The following ASPH variants were observed in gnomAD, a reference collection of about 807,000 sequenced individuals.
ASPH encodes the protein aspartyl/asparaginyl beta-hydroxylase.
A neutral mutation model predicts 118.4 loss-of-function variants in ASPH; 100 were observed. The observed-to-expected ratio is 0.84, with a 90% confidence interval of 0.72 to 1.00. The LOEUF (loss-of-function observed/expected upper bound fraction) is 1.00, where lower values mean the gene tolerates loss of function less well. ASPH is among the 50% of genes least tolerant of loss of function. The pLI is 0.00. For synonymous variants in ASPH, 315 were observed against 325.6 expected (o/e 0.97, Z 0.35); for missense variants, 920 against 919.5 (o/e 1.00, Z -0.01).
chr8:61,581,495 A>G (rs1837516249), intron 15 of ASPH, among the ~76,000 whole-genome samples: 1 of 152,240 alleles, frequency 6.6e-6, no homozygotes, highest in South Asian at 2.1e-4. Context: ...GCATGGTAGA[A>G]TAATCCACTG....
At chr8:61,577,757 C>G (rs1835843469) in intron 15 of ASPH, among the ~76,000 whole-genome samples, 2 of 152,154 alleles carry the variant, frequency 1.3e-5, no homozygotes, top group African/African-American at 2.4e-5. Context: ...TGAGAACTTA[C>G]TATCATGAGA....
chr8:61,624,618 C>A lies in ASPH; in HGVS notation c.935-5599G>T, dbSNP rs1312689879. ...TTTTAGAAAATCCACCGATGTTGCA[C>A]AATGGCACATATTTGTAAAGACAAG... On this transcript the variant is annotated intron_variant, in intron 13 of 24. Coordinates refer to ENST00000379454, the MANE Select transcript of ASPH (RefSeq NM_004318.4). 14 of 985,176 alleles carry A rather than the reference C, an allele frequency of 1.4e-5. No individual in the cohort carries two copies. In the African/African-American group the frequency reaches 2.4e-4, roughly 17 times the overall value. The allele number at this position is 985,176 out of a possible 1,614,324, so 61.0% of individuals were successfully genotyped here.
intron 1 of ASPH, among the ~76,000 whole-genome samples, chr8:61,693,194 A>G (rs1833083012): frequency 6.6e-6 from 1 of 152,014 alleles, no homozygotes; most frequent in Non-Finnish European, 1.5e-5. Context: ...TTTTTGCTTC[A>G]TTTCTTCATC....
chr8:61,696,505 G>A (rs1833960654), intron 1 of ASPH, among the ~76,000 whole-genome samples: 1 of 152,148 alleles, frequency 6.6e-6, no homozygotes, highest in African/African-American at 2.4e-5. Flanking sequence ...ATACGAATTT[G>A]TGATGGACCC....
intron 13 of ASPH, among the ~76,000 whole-genome samples, chr8:61,631,509 G>T (rs1187979896): frequency 1.3e-5 from 2 of 152,124 alleles, no homozygotes; most frequent in African/African-American, 4.8e-5. Context: ...TGCTGTACAG[G>T]TTTGTAGTCT....
rs1254506072 is a variant in ASPH, at chr8:61,563,023, C to T, written c.1301-143G>A. 9 of 707,570 alleles carry T rather than the reference C, an allele frequency of 1.3e-5. No homozygotes were observed. In the East Asian group the frequency reaches 2.8e-4, roughly 22 times the overall value. 43.8% of individuals were successfully genotyped at this position (707,570 alleles called of 1,614,324 possible). Reference sequence around the variant, plus strand: ...GCTTTATTAGTGGTTTACTAAGTACCTAGTAGGATTTCATAATGTAGTTGC... The same window carrying T: ...GCTTTATTAGTGGTTTACTAAGTACTTAGTAGGATTTCATAATGTAGTTGC... On this transcript the variant is annotated intron_variant, in intron 17 of 24. Transcript: ENST00000379454.
At chr8:61,540,774 T>C (rs1378768230) in intron 21 of ASPH, among the ~76,000 whole-genome samples, 1 of 152,116 alleles carries the variant, frequency 6.6e-6, no homozygotes, top group Non-Finnish European at 1.5e-5. Context: ...CACTGTAATG[T>C]AGAGCAAGAA....
At chr8:61,633,407 C>CT (rs1248341622) in intron 13 of ASPH, 6 of 254,876 alleles carry the variant, frequency 2.4e-5, no homozygotes, top group Non-Finnish European at 4.5e-5. Context: ...CAAAAAAACT[C>CT]TAACTTCCAC....
At chr8:61,655,022 A>G (rs1812910781) in intron 3 of ASPH, among the ~76,000 whole-genome samples, 1 of 152,222 alleles carries the variant, frequency 6.6e-6, no homozygotes, top group African/African-American at 2.4e-5. Context: ...TTAATGGAAC[A>G]GGTATGGAAT....
intron 22 of ASPH, among the ~76,000 whole-genome samples, chr8:61,522,683 G>A (rs1813568473): frequency 6.6e-6 from 1 of 152,092 alleles, no homozygotes; most frequent in Non-Finnish European, 1.5e-5. Context: ...GCTGTCCTGT[G>A]AAGAGGTGCC....
chr8:61,553,236 T>C lies in ASPH; in HGVS notation c.1537-116A>G, dbSNP rs4291265. On this transcript the variant is annotated intron_variant, in intron 19 of 24. Coordinates refer to ENST00000379454, the MANE Select transcript of ASPH (RefSeq NM_004318.4). ...TGAAAACCTAAAAACCAGAAAAATATATCTCCATATTAAACTTTGGGAATG... is the reference window on the plus strand; with the variant it reads ...TGAAAACCTAAAAACCAGAAAAATACATCTCCATATTAAACTTTGGGAATG... 161,915 of 727,684 alleles carry C rather than the reference T, an allele frequency of 0.22. 23,201 individuals carry two copies. Among genetic ancestry groups the C allele is most frequent in the African/African-American group, 0.58 (32,287 of 55,972 alleles). The allele number at this position is 727,684 out of a possible 1,614,324, so 45.1% of individuals were successfully genotyped here.
intron 3 of ASPH, chr8:61,662,939 C>T (rs908513037): frequency 1.0e-6 from 1 of 985,276 alleles, no homozygotes; most frequent in Non-Finnish European, 1.2e-6. Context: ...TTTTCTGCCA[C>T]ATAGCCATTG....
intron 14 of ASPH, among the ~76,000 whole-genome samples, chr8:61,614,866 T>A (rs950497988): frequency 1.3e-5 from 2 of 152,182 alleles, no homozygotes; most frequent in East Asian, 1.9e-4. Context: ...TCCAAATATA[T>A]GTAGAATCTA....
In ASPH at chr8:61,644,636, G is replaced by GAA. The variant is rs753416869; in HGVS notation, c.620-6_620-5dup. On this transcript the variant is annotated splice_region_variant and splice_polypyrimidine_tract_variant and intron_variant, in intron 6 of 24. Coordinates refer to ENST00000379454, the MANE Select transcript of ASPH (RefSeq NM_004318.4). ...ACGTGGTAACTATGCTCGGTTTCTG[G>GAA]AAAAAAAAAAATTAGATTGATATTT... 72 of 1,273,332 alleles carry GAA rather than the reference G, an allele frequency of 5.7e-5. No individual in the cohort carries two copies. Among genetic ancestry groups the GAA allele is most frequent in the Middle Eastern group, 2.0e-4 (1 of 4,940 alleles). 78.9% of individuals were successfully genotyped at this position (1,273,332 alleles called of 1,614,324 possible).
chr8:61,627,339 G>A (rs1853365214), intron 13 of ASPH, among the ~76,000 whole-genome samples: 1 of 152,184 alleles, frequency 6.6e-6, no homozygotes, highest in Admixed American at 6.5e-5. Flanking sequence ...AAAAACAAAT[G>A]TGTGTGTTTA....
rs1447122135 is a variant in ASPH at position 61,502,303 on chromosome 8, C to T, written c.*1056G>A. The T allele has an allele frequency of 6.6e-6, 1 of 152,182 alleles. No individual in the cohort carries two copies. Among genetic ancestry groups the T allele is most frequent in the Non-Finnish European group, 1.5e-5 (1 of 68,034 alleles). The allele number at this position is 152,182 out of a possible 1,614,324, so 9.4% of individuals were successfully genotyped here. A position where few individuals can be genotyped will look rare whatever the true frequency, so the allele number is the denominator to read the frequency against. ...CGCCCAAGAAAAACATCCTGGCATT[C>T]TTGGTAACCTTTTACTCTGCCATCC... On this transcript the variant is annotated 3_prime_UTR_variant, in exon 25 of 25. Coordinates refer to ENST00000379454, the MANE Select transcript of ASPH (RefSeq NM_004318.4).
chr8:61,653,671 T>C lies in ASPH; in HGVS notation c.323-11A>G. 1 of 1,611,940 alleles carries C rather than the reference T, an allele frequency of 6.2e-7. No individual in the cohort carries two copies. The highest frequency in any genetic ancestry group is 8.5e-7 in the Non-Finnish European group (1 of 1,179,408). Reference sequence around the variant, plus strand: ...ATCTCTCTTTAAGTCCTGCATTTTTTTATTCACAAAGTTAACTTGAGTTTT... The same window carrying C: ...ATCTCTCTTTAAGTCCTGCATTTTTCTATTCACAAAGTTAACTTGAGTTTT... On this transcript the variant is annotated splice_polypyrimidine_tract_variant and intron_variant, in intron 3 of 24. Coordinates refer to ENST00000379454, the MANE Select transcript of ASPH (RefSeq NM_004318.4).
intron 21 of ASPH, among the ~76,000 whole-genome samples, chr8:61,546,765 G>C (rs1020103244): frequency 1.3e-5 from 2 of 152,132 alleles, no homozygotes; most frequent in Non-Finnish European, 2.9e-5. Context: ...AAATTAATCA[G>C]TGAAGTCTTG....
intron 1 of ASPH, among the ~76,000 whole-genome samples, chr8:61,694,698 C>T (rs1589263932): frequency 6.6e-6 from 1 of 152,178 alleles, no homozygotes; most frequent in African/African-American, 2.4e-5. Flanking sequence ...TGTGAAAATT[C>T]TGTAATACTT....
Sources: allele counts gnomAD v4.1 joint callset (sites outside exome capture counted in the v4.1 genomes callset), GRCh38; gene constraint gnomAD v4.1.1; transcripts MANE v1.5; gene names NCBI Gene and HGNC (gene_info 2026-07-23, HGNC 2026-07-21).